AFF3: variants seen among roughly 807,000 people sequenced by gnomAD.
AFF3 encodes ALF transcription elongation factor 3.
In AFF3, 32 loss-of-function variants were observed where a neutral mutation model predicts 129.7. The ratio of observed to expected loss-of-function variants is 0.25; its 90% CI spans 0.19 to 0.33. AFF3 has a LOEUF of 0.33. Among genes scored for constraint, AFF3 ranks in the 10% least tolerant of loss-of-function variants. The pLI is 1.00. For missense variants in AFF3, 1,373 were observed against 1,592.0 expected (o/e 0.86, Z 2.34); for synonymous variants, 644 against 635.4 (o/e 1.01, Z -0.20).
At chr2:99,671,344 A>C (rs537377005) in intron 12 of AFF3, among the ~76,000 whole-genome samples, 1 of 152,268 alleles carries the variant, frequency 6.6e-6, no homozygotes, top group South Asian at 2.1e-4. Context: ...AAACACTCGA[A>C]GCCTGAGTGG....
chr2:100,138,779 T>C (rs931795354), intron 1 of AFF3, among the ~76,000 whole-genome samples: 9 of 151,790 alleles, frequency 5.9e-5, no homozygotes, highest in African/African-American at 1.7e-4. Flanking sequence ...ACCCCATCTC[T>C]ACTAAAAATA....
chr2:100,036,495 G>A (rs574388873), intron 4 of AFF3, among the ~76,000 whole-genome samples: 6 of 151,836 alleles, frequency 4.0e-5, no homozygotes, highest in Admixed American at 3.9e-4. Context: ...ATAAATTAAA[G>A]AATAATTATT....
intron 4 of AFF3, among the ~76,000 whole-genome samples, chr2:100,051,351 T>C (rs1244060475): frequency 1.1e-4 from 16 of 152,184 alleles, no homozygotes; most frequent in Admixed American, 8.5e-4. Flanking sequence ...GGGGCTTCCA[T>C]GAAGAACTAG....
In AFF3 at chr2:99,551,488, C is replaced by G. The variant is rs138104794; in HGVS notation, c.3667G>C (p.Ala1223Pro). 1.2e-6 allele frequency: 2 copies of G among 1,614,054 alleles called. No homozygotes were observed. Among genetic ancestry groups the G allele is most frequent in the Non-Finnish European group, 8.5e-7 (1 of 1,180,002 alleles). Residue 1223 changes from alanine to proline, a missense_variant, in exon 25 of 25, where the codon GCC (alanine) becomes CCC (proline). Coordinates refer to ENST00000672756, the MANE Select transcript of AFF3 (RefSeq NM_001386135.1). ...QQGLHWLRNS[A>P]HLS ...GGGTGAGGTCCCTATGACAGGTGGG[C>G]GCTGTTCCGCAGCCAGTGCAGGCCC...
intron 7 of AFF3, among the ~76,000 whole-genome samples, chr2:99,954,090 A>T (rs1676410177): frequency 6.6e-6 from 1 of 152,192 alleles, no homozygotes; most frequent in Admixed American, 6.5e-5. Context: ...ATGGAGTGAT[A>T]TGGATCCTTT....
chr2:99,611,487 A>G (rs1680915799), intron 13 of AFF3, among the ~76,000 whole-genome samples: 1 of 152,110 alleles, frequency 6.6e-6, no homozygotes, highest in Non-Finnish European at 1.5e-5. Flanking sequence ...TTGTCTCCCT[A>G]CAGTTGTGCA....
chr2:99,632,004 A>G (rs991680149), intron 13 of AFF3, among the ~76,000 whole-genome samples: 2 of 140,160 alleles, frequency 1.4e-5, no homozygotes, highest in African/African-American at 2.7e-5. Flanking sequence ...CAACCTTGCC[A>G]ACACTTTTTT....
chr2:99,828,229 C>A (rs998727062), intron 8 of AFF3, among the ~76,000 whole-genome samples: 8 of 152,178 alleles, frequency 5.3e-5, no homozygotes, highest in African/African-American at 1.9e-4. Context: ...GGTAAAATGA[C>A]TGAAGGATAC....
At position 100,007,216 on chromosome 2, in the gene AFF3, T is replaced by C. The variant is rs1376832468; in HGVS notation, c.419A>G (p.Gln140Arg). Residue 140 changes from glutamine (Q) to arginine (R), a missense_variant, in exon 6 of 25, where the codon CAG becomes CGG. Gln to Arg is a conservative substitution (Grantham distance 43). Coordinates refer to ENST00000672756, the MANE Select transcript of AFF3 (RefSeq NM_001386135.1). ...CCAGCCCATAGTGCCTCTCTTACTC[T>C]GCTGCACGGGGACAGCTGCTGGTGT... Reference protein sequence around the residue: ...TSTPAAVPVQQSKRGTMGWQK... With the variant: ...TSTPAAVPVQRSKRGTMGWQK... 6.2e-7 allele frequency: 1 copy of C among 1,614,154 alleles called. No homozygotes were observed. Among genetic ancestry groups the C allele is most frequent in the South Asian group, 1.1e-5 (1 of 91,080 alleles).
chr2:100,140,877 A>AC (rs1207163633), intron 1 of AFF3, among the ~76,000 whole-genome samples: 1 of 151,682 alleles, frequency 6.6e-6, no homozygotes, highest in African/African-American at 2.4e-5. Flanking sequence ...CTTAAGTGTC[A>AC]CCCCCCAAAC....
At chr2:99,869,467 A>G (rs1367884585) in intron 7 of AFF3, among the ~76,000 whole-genome samples, 1 of 152,192 alleles carries the variant, frequency 6.6e-6, no homozygotes, top group Non-Finnish European at 1.5e-5. Context: ...AGATGATTTG[A>G]TAGGCTCGCT....
intron 4 of AFF3, among the ~76,000 whole-genome samples, chr2:100,073,415 C>G (rs1390783600): frequency 6.6e-6 from 1 of 152,154 alleles, no homozygotes; most frequent in African/African-American, 2.4e-5. Context: ...AAGGGATTCT[C>G]CCTCACCACC....
intron 7 of AFF3, among the ~76,000 whole-genome samples, chr2:99,997,554 G>A (rs141902102): frequency 3.3e-5 from 5 of 151,010 alleles, no homozygotes; most frequent in African/African-American, 1.2e-4. Context: ...CATTCTCAGT[G>A]CAACAGCCAA....
At chr2:99,965,650 C>T (rs999281571) in intron 7 of AFF3, among the ~76,000 whole-genome samples, 10 of 152,152 alleles carry the variant, frequency 6.6e-5, no homozygotes, top group African/African-American at 2.2e-4. Flanking sequence ...ATTCTGGTTT[C>T]ACATGTTTGT....
At chr2:100,053,211 T>C (rs1686492034) in intron 4 of AFF3, among the ~76,000 whole-genome samples, 1 of 152,248 alleles carries the variant, frequency 6.6e-6, no homozygotes, top group Non-Finnish European at 1.5e-5. Flanking sequence ...GTTGACTTTA[T>C]TTATACAACA....
At chr2:99,964,054 CAATT>C (rs780285610) in intron 7 of AFF3, among the ~76,000 whole-genome samples, 2 of 151,968 alleles carry the variant, frequency 1.3e-5, no homozygotes, top group African/African-American at 2.4e-5. Context: ...ATAAAACAAT[CAATT>C]GACTAGGAAG....
intron 7 of AFF3, among the ~76,000 whole-genome samples, chr2:99,881,895 A>G (rs1692746343): frequency 6.6e-6 from 1 of 152,252 alleles, no homozygotes; most frequent in African/African-American, 2.4e-5. Flanking sequence ...TGATGAATAG[A>G]GAAATCAGGG....
At chr2:99,630,288 C>A (rs1182614755) in intron 13 of AFF3, among the ~76,000 whole-genome samples, 1 of 152,198 alleles carries the variant, frequency 6.6e-6, no homozygotes, top group African/African-American at 2.4e-5. Flanking sequence ...TAAATACTAA[C>A]CACAGTGATG....
At chr2:100,009,945 T>C (rs1054117244) in intron 4 of AFF3, among the ~76,000 whole-genome samples, 30 of 152,138 alleles carry the variant, frequency 2.0e-4, no homozygotes, top group African/African-American at 7.2e-4. Context: ...TTCAGTGACC[T>C]GGCCATCATT....
Sources: gnomAD v4.1 joint callset for allele counts (sites outside exome capture counted in the v4.1 genomes callset) on GRCh38, gnomAD v4.1.1 for gene constraint, MANE v1.5 for transcripts, NCBI Gene and HGNC (gene_info 2026-07-23, HGNC 2026-07-21) for gene names.